Variants in AGBL1 observed in about 807,000 individuals in gnomAD.
The protein encoded by AGBL1 is cytosolic carboxypeptidase 4.
AGBL1 carries 130 observed loss-of-function variants against 118.9 expected under a neutral mutation model. That is an observed-to-expected ratio of 1.09 (90% CI 0.95 to 1.26). The LOEUF (loss-of-function observed/expected upper bound fraction) is 1.26. Ranked by LOEUF, AGBL1 falls within the 50% of genes most tolerant of loss-of-function variation. The pLI is 0.00. For synonymous variants in AGBL1, 555 were observed against 478.9 expected, an observed-to-expected ratio of 1.16 and a Z score of -2.08; for missense variants, 1,584 against 1,298.1, an observed-to-expected ratio of 1.22 and a Z score of -3.38.
At chr15:86,162,453 A>G (rs1474375338) in intron 5 of AGBL1, among the ~76,000 whole-genome samples, 1 of 152,154 alleles carries the variant, frequency 6.6e-6, no homozygotes, top group Admixed American at 6.5e-5. Context: ...TTTACAACAG[A>G]AGCTCCAACC....
chr15:86,427,786 T>C (rs1391610597), intron 18 of AGBL1, among the ~76,000 whole-genome samples: 1 of 152,232 alleles, frequency 6.6e-6, no homozygotes, highest in Admixed American at 6.5e-5. Flanking sequence ...CTAGCGGTTT[T>C]TGTGCTTGTT....
chr15:86,228,260 C>T (rs1199314642), intron 6 of AGBL1, among the ~76,000 whole-genome samples: 3 of 152,144 alleles, frequency 2.0e-5, no homozygotes, highest in Non-Finnish European at 4.4e-5. Context: ...TTCAGGAAGT[C>T]AGTTTCTGTC....
intron 5 of AGBL1, among the ~76,000 whole-genome samples, chr15:86,189,303 GT>G (rs1164229934): frequency 6.6e-6 from 1 of 152,190 alleles, no homozygotes; most frequent in African/African-American, 2.4e-5. Context: ...CTGGTCTGTG[GT>G]AACAAGCCTG....
intron 22 of AGBL1, among the ~76,000 whole-genome samples, chr15:86,766,661 T>C (rs16977965): frequency 0.046 from 6,942 of 152,044 alleles, 495 homozygotes; most frequent in African/African-American, 0.16. Flanking sequence ...TATTCTTTTG[T>C]CATATATTGA....
rs11331970 is a variant in AGBL1 at position 86,131,948 on chromosome 15, G to GAA, written c.52-10041_52-10040dup. Reference sequence around the variant, plus strand: ...GGGTGACAGAGCAAGACCATGTCTCGAAAAAAAAAAAAAAAATCATAACGT... The same window carrying GAA: ...GGGTGACAGAGCAAGACCATGTCTCGAAAAAAAAAAAAAAAAAATCATAACGT... On this transcript the variant is annotated intron_variant, in intron 1 of 22. Coordinates refer to ENST00000614907, the MANE Select transcript of AGBL1 (RefSeq NM_001386094.1). 1.0e-2 allele frequency among the ~76,000 whole-genome samples: 1,323 copies of GAA among 132,926 alleles called. 19 individuals are homozygous for GAA. Among genetic ancestry groups the GAA allele is most frequent in the African/African-American group, 0.032 (1,185 of 36,564 alleles). The allele number at this position is 132,926 out of a possible 152,430, so 87.2% of individuals were successfully genotyped here.
At chr15:86,902,669 C>T in intron 22 of AGBL1, among the ~76,000 whole-genome samples, 1 of 152,046 alleles carries the variant, frequency 6.6e-6, no homozygotes, top group Non-Finnish European at 1.5e-5. Context: ...GATATCTTTG[C>T]TAGTTTTAGA....
chr15:86,256,612 AT>A (rs1309564705), intron 7 of AGBL1, among the ~76,000 whole-genome samples: 1 of 152,254 alleles, frequency 6.6e-6, no homozygotes, highest in Non-Finnish European at 1.5e-5. Context: ...GCAGTGATGT[AT>A]GAAATGAGCA....
intron 18 of AGBL1, among the ~76,000 whole-genome samples, chr15:86,450,041 G>A (rs1483259835): frequency 2.6e-5 from 4 of 152,160 alleles, no homozygotes; most frequent in Admixed American, 6.5e-5. Flanking sequence ...GCTTACTCCA[G>A]CAGCTTATAA....
intron 22 of AGBL1, among the ~76,000 whole-genome samples, chr15:86,882,800 G>A (rs1596587952): frequency 6.6e-6 from 1 of 152,098 alleles, no homozygotes; most frequent in Non-Finnish European, 1.5e-5. Flanking sequence ...AGTCTGAGAG[G>A]AGAGAGAGGT....
intron 22 of AGBL1, among the ~76,000 whole-genome samples, chr15:86,825,150 T>C (rs1451639153): frequency 6.6e-6 from 1 of 150,784 alleles, no homozygotes; most frequent in Non-Finnish European, 1.5e-5. Context: ...GCAAAAGCAG[T>C]TGAAGGGAGG....
chr15:86,537,829 T>G (rs2346715), intron 19 of AGBL1, among the ~76,000 whole-genome samples: 16,191 of 152,202 alleles, frequency 0.11, 1,297 homozygotes, highest in African/African-American at 0.22. Flanking sequence ...GGACTTCTTA[T>G]ACTGATTATA....
At chr15:86,747,525 A>G (rs1367203293) in intron 22 of AGBL1, among the ~76,000 whole-genome samples, 2 of 152,210 alleles carry the variant, frequency 1.3e-5, no homozygotes, top group Admixed American at 6.5e-5. Flanking sequence ...CATGTGCACA[A>G]CGTGCAGGTT....
At chr15:86,721,826 A>G (rs138788395) in intron 22 of AGBL1, among the ~76,000 whole-genome samples, 48,465 of 152,044 alleles carry the variant, frequency 0.32, 9,165 homozygotes, top group Non-Finnish European at 0.43. Context: ...TACAAAATCA[A>G]TGTACAAAAA....
intron 22 of AGBL1, among the ~76,000 whole-genome samples, chr15:86,853,698 G>A (rs1596553138): frequency 2.6e-5 from 4 of 152,108 alleles, no homozygotes; most frequent in Admixed American, 6.5e-5. Context: ...AAAATTTACC[G>A]ACTTGTGCAG....
chr15:86,226,498 G>A (rs2078365996), intron 6 of AGBL1, among the ~76,000 whole-genome samples: 1 of 152,150 alleles, frequency 6.6e-6, no homozygotes, highest in Non-Finnish European at 1.5e-5. Flanking sequence ...ACTTTCCTTA[G>A]CTCTTGAGCT....
intron 5 of AGBL1, among the ~76,000 whole-genome samples, chr15:86,197,406 G>C (rs578259808): frequency 3.3e-5 from 5 of 152,344 alleles, no homozygotes; most frequent in African/African-American, 1.2e-4. Context: ...GAATTAGATG[G>C]AAATGAGAAA....
chr15:86,780,987 T>A (rs952627418), intron 22 of AGBL1, among the ~76,000 whole-genome samples: 2 of 152,192 alleles, frequency 1.3e-5, no homozygotes, highest in African/African-American at 4.8e-5. Flanking sequence ...TTTTAATTGT[T>A]TGAATTGCTC....
chr15:86,559,356 T>C (rs1424616619), intron 21 of AGBL1, among the ~76,000 whole-genome samples: 1 of 152,172 alleles, frequency 6.6e-6, no homozygotes, highest in Non-Finnish European at 1.5e-5. Flanking sequence ...TCTCCAAGAA[T>C]TAGGGAAGGT....
At chr15:86,640,714 GC>G (rs1387239007) in intron 21 of AGBL1, among the ~76,000 whole-genome samples, 1 of 151,976 alleles carries the variant, frequency 6.6e-6, no homozygotes, top group Admixed American at 6.6e-5. Context: ...ATTGTCTACA[GC>G]CCTAGTTACT....
Sources: gnomAD v4.1 joint callset for allele counts (sites outside exome capture counted in the v4.1 genomes callset) on GRCh38, gnomAD v4.1.1 for gene constraint, MANE v1.5 for transcripts, NCBI Gene and HGNC (gene_info 2026-07-23, HGNC 2026-07-21) for gene names.